The following HIPK3 variants were observed in gnomAD, a reference collection of about 807,000 sequenced individuals.
HIPK3 encodes homeodomain-interacting protein kinase 3.
A neutral mutation model predicts 124.2 loss-of-function variants in HIPK3; 47 were observed. That is an observed-to-expected ratio of 0.38 (90% CI 0.30 to 0.48). The LOEUF (loss-of-function observed/expected upper bound fraction) is 0.48. Among genes scored for constraint, HIPK3 ranks in the 20% least tolerant of loss-of-function variants. The probability of loss-of-function intolerance (pLI) is 0.98; values close to 1 mark genes in which losing one functional copy is unlikely to be tolerated. For missense variants in HIPK3, 1,286 were observed against 1,454.3 expected, an observed-to-expected ratio of 0.88 and a Z score of 1.88; for synonymous variants, 482 against 515.2, an observed-to-expected ratio of 0.94 and a Z score of 0.87.
At chr11:33,259,370 G>A (rs1850762792) in intron 1 of HIPK3, among the ~76,000 whole-genome samples, 2 of 152,184 alleles carry the variant, frequency 1.3e-5, no homozygotes, top group African/African-American at 4.8e-5. Context: ...GCTTATGTTT[G>A]CAAGTGCAGT....
chr11:33,334,249 G>T (rs187539259), intron 3 of HIPK3, among the ~76,000 whole-genome samples: 1 of 152,174 alleles, frequency 6.6e-6, no homozygotes, highest in African/African-American at 2.4e-5. Flanking sequence ...ATAGCACAGA[G>T]TAGAGTAATT....
intron 2 of HIPK3, 141 bp downstream of exon 2, chr11:33,287,652 T>C: frequency 1.1e-6 from 1 of 906,726 alleles, no homozygotes; most frequent in Non-Finnish European, 1.6e-6. Context: ...AGGTTCGTTT[T>C]AAAGAGATTA....
intron 2 of HIPK3, among the ~76,000 whole-genome samples, chr11:33,288,016 T>A (rs1851602391): frequency 6.6e-6 from 1 of 152,230 alleles, no homozygotes; most frequent in African/African-American, 2.4e-5. Flanking sequence ...ATATTTGCAC[T>A]GCCAACTAGT....
chr11:33,307,235 G>A (rs548897757), intron 2 of HIPK3, among the ~76,000 whole-genome samples: 8 of 152,042 alleles, frequency 5.3e-5, no homozygotes, highest in South Asian at 2.1e-4. Flanking sequence ...CACCATGCCC[G>A]GCCAGATGCA....
At position 33,351,743 on chromosome 11, in the gene HIPK3, C is replaced by G; in HGVS notation, c.2943C>G (p.Ser981=). 6.2e-7 allele frequency: 1 copy of G among 1,614,166 alleles called. No individual in the cohort carries two copies. Among genetic ancestry groups the G allele is most frequent in the South Asian group, 1.1e-5 (1 of 91,080 alleles). ...EDTHENTELV[S]SADTETKPAV... is the part of the protein sequence containing the mutation. ...CTCATGAAAACACAGAATTGGTATCCTCTGCTGACACAGAAACCAAGCCAG... is the reference window on the plus strand; with the variant it reads ...CTCATGAAAACACAGAATTGGTATCGTCTGCTGACACAGAAACCAAGCCAG... The change falls in exon 15 of 17, where the codon TCC becomes TCG. Residue 981 remains serine, a synonymous_variant. Coordinates refer to ENST00000303296, the MANE Select transcript of HIPK3 (RefSeq NM_005734.5).
Position 33,286,414 on chromosome 11 carries a change from T to C in HIPK3, c.-1T>C, listed in dbSNP as rs543836309. 1.3e-5 allele frequency: 19 copies of C among 1,427,306 alleles called. No individual in the cohort carries two copies. In the South Asian group the frequency reaches 2.9e-4, roughly 22 times the overall value. The allele number at this position is 1,427,306 out of a possible 1,614,324, so 88.4% of individuals were successfully genotyped here. A position where few individuals can be genotyped will look rare whatever the true frequency, so the allele number is the denominator to read the frequency against. On this transcript the variant is annotated splice_region_variant and 5_prime_UTR_variant, in exon 2 of 17. Coordinates refer to ENST00000303296, the MANE Select transcript of HIPK3 (RefSeq NM_005734.5). ...TCCTTTTTTTTTTTTTTTTTGCAGG[T>C]ATGGCCTCACAAGTCTTGGTCTACC...
At chr11:33,289,779 G>C (rs1851650888) in intron 2 of HIPK3, among the ~76,000 whole-genome samples, 1 of 151,952 alleles carries the variant, frequency 6.6e-6, no homozygotes, top group South Asian at 2.1e-4. Context: ...CTATTTAGTT[G>C]GACCCCTTAA....
chr11:33,279,424 C>T (rs1851356593), intron 1 of HIPK3, among the ~76,000 whole-genome samples: 1 of 150,322 alleles, frequency 6.7e-6, no homozygotes, highest in African/African-American at 2.5e-5. Context: ...TTCATATTGG[C>T]AAATAAATTG....
chr11:33,349,531 C>T (rs1853597012), intron 14 of HIPK3, among the ~76,000 whole-genome samples: 1 of 152,180 alleles, frequency 6.6e-6, no homozygotes, highest in South Asian at 2.1e-4. Flanking sequence ...TCACAGCAAC[C>T]TCTGCCTCCC....
intron 1 of HIPK3, among the ~76,000 whole-genome samples, chr11:33,277,095 T>G (rs1851293099): frequency 6.6e-6 from 1 of 152,238 alleles, no homozygotes; most frequent in Non-Finnish European, 1.5e-5. Context: ...TAAAAATTAA[T>G]GTAAACCCAG....
intron 7 of HIPK3, among the ~76,000 whole-genome samples, chr11:33,341,344 A>G (rs980534135): frequency 5.9e-5 from 9 of 152,140 alleles, no homozygotes; most frequent in African/African-American, 2.2e-4. Flanking sequence ...CATTCTCTCA[A>G]TACCTTTCAC....
chr11:33,260,211 C>G (rs1850786283), intron 1 of HIPK3, among the ~76,000 whole-genome samples: 1 of 152,092 alleles, frequency 6.6e-6, no homozygotes, highest in Admixed American at 6.6e-5. Flanking sequence ...GTGTAAATTA[C>G]AGACGTAGGT....
chr11:33,350,472 G>T (rs182502939), intron 14 of HIPK3, among the ~76,000 whole-genome samples: 75 of 150,532 alleles, frequency 5.0e-4, no homozygotes, highest in Non-Finnish European at 9.7e-4. Flanking sequence ...TTCGAGACCA[G>T]CCTGGACAAC....
chr11:33,287,618 A>C, intron 2 of HIPK3, 107 bp downstream of exon 2: 1 of 1,224,726 alleles, frequency 8.2e-7, no homozygotes, highest in Admixed American at 2.3e-5. Flanking sequence ...CAGTTAAATA[A>C]GGAAATCAAG....
chr11:33,348,929 C>T (rs937763125), intron 13 of HIPK3, 111 bp downstream of exon 13: 3 of 1,079,726 alleles, frequency 2.8e-6, no homozygotes, highest in Non-Finnish European at 3.9e-6. Flanking sequence ...TGGAGTAAAA[C>T]CTTTAAATTA....
In HIPK3 at chr11:33,354,844, G is replaced by A. The variant is rs368071186; in HGVS notation, c.*1276G>A. ...AGTGTGTTGAGTTCCCCCCTTCCCC[G>A]ACATTTTTTTCTTTTTTGGGTGGTG... On this transcript the variant is annotated 3_prime_UTR_variant, in exon 17 of 17. Coordinates refer to ENST00000303296, the MANE Select transcript of HIPK3 (RefSeq NM_005734.5). 1.3e-5 allele frequency: 2 copies of A among 151,392 alleles called. No homozygotes were observed. The highest frequency in any genetic ancestry group is 2.1e-4 in the South Asian group (1 of 4,794). 9.4% of individuals were successfully genotyped at this position (151,392 alleles called of 1,614,324 possible).
intron 7 of HIPK3, 30 bp downstream of exon 7, chr11:33,341,157 G>A (rs1565095077): frequency 6.7e-6 from 10 of 1,482,576 alleles, no homozygotes; most frequent in South Asian, 1.3e-5. Flanking sequence ...AATAACTTAG[G>A]GTCTTTTTTT....
In HIPK3 at chr11:33,296,396, C is replaced by T. The variant is rs1851842843; in HGVS notation, c.1097+8885C>T. 2.0e-5 allele frequency among the ~76,000 whole-genome samples: 3 copies of T among 152,134 alleles called. No individual in the cohort carries two copies. In the South Asian group the frequency reaches 6.2e-4, roughly 31 times the overall value. ...GACCTGGACACAGGTCAGGTATGCT[C>T]AGTGGTTCTAGGATATTACTTCTTT... On this transcript the variant is annotated intron_variant, in intron 2 of 16. Coordinates refer to ENST00000303296, the MANE Select transcript of HIPK3 (RefSeq NM_005734.5).
intron 9 of HIPK3, 98 bp downstream of exon 9, chr11:33,347,512 G>A: frequency 6.3e-7 from 1 of 1,576,026 alleles, no homozygotes; most frequent in Non-Finnish European, 8.7e-7. Flanking sequence ...GTAGGTTATG[G>A]ACTTTAATGT....
Sources: allele counts gnomAD v4.1 joint callset (sites outside exome capture counted in the v4.1 genomes callset), GRCh38; gene constraint gnomAD v4.1.1; transcripts MANE v1.5; gene names NCBI Gene and HGNC (gene_info 2026-07-23, HGNC 2026-07-21).